Variants in NEBL observed in about 807,000 individuals in gnomAD.
NEBL encodes nebulette, also known as LIM and SH3 protein 2.
A neutral mutation model predicts 140.2 loss-of-function variants in NEBL; 122 were observed. The observed-to-expected ratio is 0.87, with a 90% CI of 0.75 to 1.01. The LOEUF (loss-of-function observed/expected upper bound fraction) is 1.01. NEBL is among the 50% of genes least tolerant of loss of function. NEBL has a pLI of 0.00. For missense variants in NEBL, 1,365 were observed against 1,231.3 expected (o/e 1.11, Z -1.62); for synonymous variants, 436 against 398.9 (o/e 1.09, Z -1.11).
intron 3 of NEBL, among the ~76,000 whole-genome samples, chr10:21,197,229 G>A (rs867523215): frequency 5.6e-4 from 85 of 152,328 alleles, no homozygotes; most frequent in African/African-American, 2.0e-3. Flanking sequence ...ACATACAGAT[G>A]CCCAGGGCCC....
chr10:21,073,424 C>A (rs1033626199), intron 2 of NEBL, among the ~76,000 whole-genome samples: 1 of 151,546 alleles, frequency 6.6e-6, no homozygotes, highest in South Asian at 2.1e-4. Context: ...CAAGACCAAC[C>A]TGGCCAACGT....
At chr10:21,075,267 A>G (rs1170162467) in intron 2 of NEBL, among the ~76,000 whole-genome samples, 1 of 152,188 alleles carries the variant, frequency 6.6e-6, no homozygotes, top group African/African-American at 2.4e-5. Flanking sequence ...AACATTTAAA[A>G]CGCTGAGGGC....
chr10:21,009,827 A>G (rs1838267521), intron 3 of NEBL, among the ~76,000 whole-genome samples: 1 of 152,216 alleles, frequency 6.6e-6, no homozygotes, highest in South Asian at 2.1e-4. Flanking sequence ...GTTCTGAGGT[A>G]AAGGAAAATG....
At chr10:21,093,943 C>T (rs755507565) in intron 2 of NEBL, among the ~76,000 whole-genome samples, 10 of 152,162 alleles carry the variant, frequency 6.6e-5, no homozygotes, top group Admixed American at 1.3e-4. Flanking sequence ...AACATTTTGT[C>T]GTTTTTGTGA....
At chr10:20,991,276 G>C (rs991982783) in intron 3 of NEBL, among the ~76,000 whole-genome samples, 5 of 151,980 alleles carry the variant, frequency 3.3e-5, no homozygotes, top group African/African-American at 1.2e-4. Context: ...AAAAAAAAAT[G>C]CTATTAGCTT....
chr10:20,829,187 G>A (rs887276236), intron 16 of NEBL, among the ~76,000 whole-genome samples: 1 of 152,050 alleles, frequency 6.6e-6, no homozygotes, highest in Non-Finnish European at 1.5e-5. Context: ...CAAAATCAGT[G>A]AAGTTAATTA....
intron 7 of NEBL, among the ~76,000 whole-genome samples, chr10:20,860,688 T>C (rs1843616801): frequency 6.6e-6 from 1 of 152,058 alleles, no homozygotes; most frequent in South Asian, 2.1e-4. Context: ...TCTCATAATA[T>C]TTTTCTGATG....
intron 2 of NEBL, chr10:21,170,373 C>G (rs1841019371): frequency 6.6e-6 from 1 of 152,216 alleles, no homozygotes; most frequent in Admixed American, 6.5e-5. Flanking sequence ...TCCATAAAGC[C>G]TGATGGAAAC....
At chr10:20,830,881 G>C (rs574287402) in intron 16 of NEBL, among the ~76,000 whole-genome samples, 1 of 138,812 alleles carries the variant, frequency 7.2e-6, no homozygotes, top group South Asian at 2.4e-4. Flanking sequence ...TCCAGCCTGG[G>C]TGAAAGAGTG....
At chr10:21,060,790 A>T (rs1267183185) in intron 2 of NEBL, among the ~76,000 whole-genome samples, 2 of 152,118 alleles carry the variant, frequency 1.3e-5, no homozygotes, top group African/African-American at 4.8e-5. Flanking sequence ...AAGGGTGATC[A>T]CAACCTCTGC....
chr10:20,939,377 C>G (rs1252256096), intron 4 of NEBL, among the ~76,000 whole-genome samples: 2 of 152,114 alleles, frequency 1.3e-5, no homozygotes, highest in African/African-American at 2.4e-5. Flanking sequence ...TACAGACAAG[C>G]AAATGCTGAG....
intron 3 of NEBL, among the ~76,000 whole-genome samples, chr10:20,993,768 G>A (rs1302146484): frequency 6.6e-6 from 1 of 152,142 alleles, no homozygotes; most frequent in Non-Finnish European, 1.5e-5. Context: ...AAAGATGTGG[G>A]CATACGATTC....
intron 2 of NEBL, among the ~76,000 whole-genome samples, chr10:20,891,328 A>T (rs189720541): frequency 2.0e-5 from 3 of 152,340 alleles, no homozygotes; most frequent in Admixed American, 2.0e-4. Context: ...CCATAATTTT[A>T]GGTTCCTGCA....
intron 3 of NEBL, among the ~76,000 whole-genome samples, chr10:20,975,683 G>A (rs1836764611): frequency 6.6e-6 from 1 of 152,114 alleles, no homozygotes. Flanking sequence ...ACAAAACAAG[G>A]TGGCAAAAGA....
chr10:21,180,471 G>T (rs1841369669), intron 3 of NEBL, among the ~76,000 whole-genome samples: 1 of 152,168 alleles, frequency 6.6e-6, no homozygotes, highest in South Asian at 2.1e-4. Context: ...CCATCGAAAT[G>T]AAAGGGCTTA....
Position 21,248,782 on chromosome 10 carries a change from C to G in NEBL, n.280-793G>C, listed in dbSNP as rs531831292. Reference sequence around the variant, plus strand: ...CGGCTGCACCATTTTGCCTTTGCACCAGCAATGCACAAGGGTTCCAATTTC... The same window carrying G: ...CGGCTGCACCATTTTGCCTTTGCACGAGCAATGCACAAGGGTTCCAATTTC... On this transcript the variant is annotated intron_variant and non_coding_transcript_variant, in intron 2 of 8. Coordinates refer to the NEBL transcript ENST00000675702. 2.6e-5 allele frequency among the ~76,000 whole-genome samples: 4 copies of G among 152,082 alleles called. No homozygotes were observed. In the South Asian group the frequency reaches 8.3e-4, roughly 32 times the overall value.
intron 26 of NEBL, among the ~76,000 whole-genome samples, chr10:20,796,620 T>C (rs1836572213): frequency 1.3e-5 from 2 of 152,148 alleles, no homozygotes; most frequent in African/African-American, 4.8e-5. Flanking sequence ...TAAATACAAC[T>C]AGATAGCTTT....
intron 2 of NEBL, among the ~76,000 whole-genome samples, chr10:21,066,525 A>G (rs1474533525): frequency 6.6e-6 from 1 of 152,254 alleles, no homozygotes; most frequent in African/African-American, 2.4e-5. Context: ...TTTAAAACAA[A>G]TATGTCTAAG....
At chr10:20,830,014 A>G (rs574846038) in intron 16 of NEBL, among the ~76,000 whole-genome samples, 2 of 152,260 alleles carry the variant, frequency 1.3e-5, no homozygotes, top group East Asian at 3.9e-4. Context: ...GCATTGACTT[A>G]GGATTTTAGT....
Sources: gnomAD v4.1 joint callset for allele counts (sites outside exome capture counted in the v4.1 genomes callset) on GRCh38, gnomAD v4.1.1 for gene constraint, MANE v1.5 for transcripts, NCBI Gene and HGNC (gene_info 2026-07-23, HGNC 2026-07-21) for gene names.